Variants in C1QTNF8 observed in about 807,000 individuals in gnomAD.
C1QTNF8 encodes C1q and TNF related 8.
C1QTNF8 carries 27 observed loss-of-function variants against 19.2 expected under a neutral mutation model. The observed-to-expected ratio is 1.41, with a 90% CI of 1.04 to 1.94. The LOEUF (loss-of-function observed/expected upper bound fraction) is 1.94. Ranked by LOEUF, C1QTNF8 falls within the 30% of genes most tolerant of loss-of-function variation. C1QTNF8 has a pLI of 0.00. For synonymous variants in C1QTNF8, 208 were observed against 172.8 expected (o/e 1.20, Z -1.60); for missense variants, 484 against 374.4 (o/e 1.29, Z -2.42).
chr16:1,093,907 G>A lies in C1QTNF8; in HGVS notation c.353C>T (p.Ala118Val), dbSNP rs775605537. 61 of 1,550,456 alleles carry A rather than the reference G, an allele frequency of 3.9e-5. No homozygotes were observed. In the Admixed American group the frequency reaches 7.0e-4, roughly 18 times the overall value. The change falls in exon 4 of 5, where the codon GCC (alanine) becomes GTC (valine). Residue 118 changes from alanine (A) to valine (V), a missense_variant. Coordinates refer to ENST00000328449, the MANE Select transcript of C1QTNF8 (RefSeq NM_207419.3). ...GCCCTCGCGCCGGCCCACGGAGAAGGCGGCGTAGGCACGTCGGCACGCGGC... is the reference window on the plus strand; with the variant it reads ...GCCCTCGCGCCGGCCCACGGAGAAGACGGCGTAGGCACGTCGGCACGCGGC... ...PGAACRRAYA[A>V]FSVGRREGLH...
chr16:1,093,513 G>A lies in C1QTNF8; in HGVS notation c.747C>T (p.Ala249=), dbSNP rs1321691108. ...GCCCCTCACCCGGCTACAGCTCGGCGGCCGGCTTGACCAGGTGGCCGCTGA... is the reference window on the plus strand; with the variant it reads ...GCCCCTCACCCGGCTACAGCTCGGCAGCCGGCTTGACCAGGTGGCCGCTGA... ...ITFSGHLVKP[A]AEL is the part of the protein sequence containing the mutation. Residue 249 remains alanine (A), a synonymous_variant, in exon 4 of 5, where the codon GCC becomes GCT. Transcript: ENST00000328449. 2 of 1,533,696 alleles carry A rather than the reference G, an allele frequency of 1.3e-6. No individual in the cohort carries two copies. Among genetic ancestry groups the A allele is most frequent in the Admixed American group, 2.0e-5 (1 of 50,264 alleles).
In C1QTNF8 at chr16:1,093,795, G is replaced by C; in HGVS notation, c.465C>G (p.Arg155=). The stretch of plus-strand genomic sequence containing the variant: ...AGACGCCGGGCACCGTGCAGAGGAA[G>C]CGGCCCGCGGCCAGGTCGAAGGCGC... ...LDGAFDLAAG[R]FLCTVPGVYF... Residue 155 remains arginine, a synonymous_variant, in exon 4 of 5, where the codon CGC becomes CGG. Coordinates refer to ENST00000328449, the MANE Select transcript of C1QTNF8 (RefSeq NM_207419.3). 6.2e-7 allele frequency: 1 copy of C among 1,611,502 alleles called. No homozygotes were observed.
intron 4 of C1QTNF8, among the ~76,000 whole-genome samples, chr16:1,093,110 C>T (rs369134823): frequency 4.7e-4 from 51 of 109,202 alleles, no homozygotes; most frequent in Admixed American, 9.4e-4. Flanking sequence ...CGGCGCTCAA[C>T]CAATCCCTGC....
rs61182367 is a variant in C1QTNF8 at position 1,088,444 on chromosome 16, T to G, written c.*2155A>C. ...GCGGTTCTGATGGGGTGGCTCCCCC[T>G]TGTCTCCTAAGTGGCCAGGGCAGCA... On this transcript the variant is annotated 3_prime_UTR_variant, in exon 5 of 5. Coordinates refer to ENST00000328449, the MANE Select transcript of C1QTNF8 (RefSeq NM_207419.3). 0.031 allele frequency among the ~76,000 whole-genome samples: 4,711 copies of G among 152,280 alleles called. 234 individuals are homozygous for G. Among genetic ancestry groups the G allele is most frequent in the African/African-American group, 0.1 (4,330 of 41,540 alleles).
rs114822353 is a variant in C1QTNF8, at chr16:1,088,673, G to A, written c.*1926C>T. ...CGGGATGCAGGTCCTGCTGTCTGAGGCTCTCACAGGCATCTCCCCACCCCG... is the reference window on the plus strand; with the variant it reads ...CGGGATGCAGGTCCTGCTGTCTGAGACTCTCACAGGCATCTCCCCACCCCG... On this transcript the variant is annotated 3_prime_UTR_variant, in exon 5 of 5. Coordinates refer to ENST00000328449, the MANE Select transcript of C1QTNF8 (RefSeq NM_207419.3). Among the ~76,000 whole-genome samples the A allele has an allele frequency of 7.5e-3, 1,122 of 149,722 alleles. 18 individuals carry two copies. The highest frequency in any genetic ancestry group is 0.026 in the African/African-American group (1,070 of 40,418).
chr16:1,094,553 G>A (rs1234234698), intron 3 of C1QTNF8, 162 bp downstream of exon 3: 6 of 511,380 alleles, frequency 1.2e-5, no homozygotes, highest in African/African-American at 4.0e-5. Context: ...TCCTGCTTGC[G>A]GGGGGAGCCC....
Position 1,089,442 on chromosome 16 carries a change from A to G in C1QTNF8, c.*1157T>C, listed in dbSNP as rs1960498292. Among the ~76,000 whole-genome samples the G allele has an allele frequency of 6.6e-6, 1 of 152,146 alleles. No homozygotes were observed. Among genetic ancestry groups the G allele is most frequent in the Non-Finnish European group, 1.5e-5 (1 of 68,000 alleles). ...AAGGGCTCGGCTCTGGGCAGTGCCCACTTGGGACCTGCAAGCCCAGGGCCC... is the reference window on the plus strand; with the variant it reads ...AAGGGCTCGGCTCTGGGCAGTGCCCGCTTGGGACCTGCAAGCCCAGGGCCC... On this transcript the variant is annotated 3_prime_UTR_variant, in exon 5 of 5. Transcript: ENST00000328449.
chr16:1,094,996 C>A, intron 2 of C1QTNF8, 63 bp from the exon 3 acceptor site: 1 of 706,590 alleles, frequency 1.4e-6, no homozygotes, highest in Non-Finnish European at 2.0e-6. Flanking sequence ...CCCCCAGACC[C>A]TACGGCAGCC....
rs1483363954 is a variant in C1QTNF8 at position 1,090,376 on chromosome 16, CCCT to C, written c.*220_*222del. 1 of 152,346 alleles carries C rather than the reference CCCT, an allele frequency of 6.6e-6. No individual in the cohort carries two copies. The highest frequency in any genetic ancestry group is 1.5e-5 in the Non-Finnish European group (1 of 68,186). 9.4% of individuals were successfully genotyped at this position (152,346 alleles called of 1,614,324 possible). ...GCAAATGGCGGGCCCCTGTAGCCGC[CCCT>C]CCTCCTGTCCTGCGCTGTTGGGGGC... On this transcript the variant is annotated 3_prime_UTR_variant, in exon 5 of 5. Transcript: ENST00000328449.
chr16:1,095,086 GAGGCCA>G (rs1457555797), intron 2 of C1QTNF8, among the ~76,000 whole-genome samples, 153 bp from the exon 3 acceptor site: 1 of 152,224 alleles, frequency 6.6e-6, no homozygotes, highest in African/African-American at 2.4e-5. Context: ...CCCAGTGGGT[GAGGCCA>G]AGGCCGAGGC....
chr16:1,094,054 G>C lies in C1QTNF8; in HGVS notation c.209-3C>G. On this transcript the variant is annotated splice_region_variant and splice_polypyrimidine_tract_variant and intron_variant, in intron 3 of 4. Transcript: ENST00000328449. ...GACGCCGGCCTCACCCTTCTCACCT[G>C]CAGGGGACAAACGAAAGCCACGGGT... 1.4e-6 allele frequency: 2 copies of C among 1,445,018 alleles called. No individual in the cohort carries two copies. The highest frequency in any genetic ancestry group is 3.0e-5 in the South Asian group (2 of 65,806). The allele number at this position is 1,445,018 out of a possible 1,614,324, so 89.5% of individuals were successfully genotyped here.
intron 4 of C1QTNF8, among the ~76,000 whole-genome samples, chr16:1,091,953 C>G (rs1387122204): frequency 2.6e-5 from 4 of 152,224 alleles, no homozygotes; most frequent in Non-Finnish European, 5.9e-5. Context: ...AGGTGCTTGG[C>G]AAATACGCAA....
Position 1,094,086 on chromosome 16 carries a change from C to A in C1QTNF8, c.209-35G>T, listed in dbSNP as rs775109133. The A allele has an allele frequency of 5.7e-6, 8 of 1,392,158 alleles. No individual in the cohort carries two copies. The East Asian group carries it at 2.0e-4, about 35-fold the overall frequency. 86.2% of individuals were successfully genotyped at this position (1,392,158 alleles called of 1,614,324 possible). On this transcript the variant is annotated intron_variant, in intron 3 of 4. Transcript: ENST00000328449. Reference sequence around the variant, plus strand: ...ACAAACGAAAGCCACGGGTCGGGGCCGGGCTGGGCAGGCCTCCCCCATTCC... The same window carrying A: ...ACAAACGAAAGCCACGGGTCGGGGCAGGGCTGGGCAGGCCTCCCCCATTCC...
At chr16:1,093,089 C>G (rs149134363) in intron 4 of C1QTNF8, among the ~76,000 whole-genome samples, 2 of 114,440 alleles carry the variant, frequency 1.7e-5, no homozygotes, top group African/African-American at 3.1e-5. Flanking sequence ...CAACCAATCA[C>G]AGCACACAGT....
Position 1,094,780 on chromosome 16 carries a change from C to T in C1QTNF8, c.143G>A (p.Trp48Ter). 6.5e-7 allele frequency: 1 copy of T among 1,543,186 alleles called. No homozygotes were observed. Among genetic ancestry groups the T allele is most frequent in the Non-Finnish European group, 8.7e-7 (1 of 1,146,772 alleles). Reference protein sequence around the residue: ...PYARVSDRDLWRGDLWRGLPR... With the variant: ...PYARVSDRDL Reference sequence around the variant, plus strand: ...CAGCCCCCTCCACAGGTCCCCCCTCCACAGGTCCCTGTCACTCACCCGGGC... The same window carrying T: ...CAGCCCCCTCCACAGGTCCCCCCTCTACAGGTCCCTGTCACTCACCCGGGC... The change falls in exon 3 of 5, where the codon TGG becomes TAG. Residue 48 changes from tryptophan (W) to a stop codon, truncating the protein, a stop_gained. Transcript: ENST00000328449. LOFTEE classifies it high-confidence loss of function.
rs1555492668 is a variant in C1QTNF8, at chr16:1,093,456, A to ACACACG, written c.*4+40_*4+41insCGTGTG. 3.4e-6 allele frequency: 4 copies of ACACACG among 1,159,852 alleles called. No individual in the cohort carries two copies. In the African/African-American group the frequency reaches 6.2e-5, roughly 18 times the overall value. The allele number at this position is 1,159,852 out of a possible 1,614,324, so 71.8% of individuals were successfully genotyped here. On this transcript the variant is annotated intron_variant, in intron 4 of 4. Coordinates refer to ENST00000328449, the MANE Select transcript of C1QTNF8 (RefSeq NM_207419.3). Reference sequence around the variant, plus strand: ...CACACACACACAGACACACACACACACGCGCGCGCGCGCCCGGTGCTCAGC... The same window carrying ACACACG: ...CACACACACACAGACACACACACACACACACGCGCGCGCGCGCGCCCGGTGCTCAGC...
At chr16:1,091,931 T>A (rs1456259553) in intron 4 of C1QTNF8, among the ~76,000 whole-genome samples, 1 of 152,210 alleles carries the variant, frequency 6.6e-6, no homozygotes, top group East Asian at 1.9e-4. Flanking sequence ...CCTGGGTCCA[T>A]CCACACCGGG....
In C1QTNF8 at chr16:1,088,596, C is replaced by T. The variant is rs1415781544; in HGVS notation, c.*2003G>A. 6.6e-6 allele frequency among the ~76,000 whole-genome samples: 1 copy of T among 152,234 alleles called. No individual in the cohort carries two copies. The highest frequency in any genetic ancestry group is 1.5e-5 in the Non-Finnish European group (1 of 68,050). ...AGAGAATCGTGACCGTATCTTATCT[C>T]ACTTTCAGTTCTCAGTCATTGTTTT... On this transcript the variant is annotated 3_prime_UTR_variant, in exon 5 of 5. Coordinates refer to ENST00000328449, the MANE Select transcript of C1QTNF8 (RefSeq NM_207419.3).
In C1QTNF8 at chr16:1,093,892, C is replaced by G; in HGVS notation, c.368G>C (p.Arg123Pro). ...RRAYAAFSVG[R>P]REGLHSSDHF... ...GTCGGAGCTGTGCAGGCCCTCGCGC[C>G]GGCCCACGGAGAAGGCGGCGTAGGC... is the stretch of plus-strand genomic sequence containing the variant. Residue 123 changes from arginine to proline, a missense_variant, in exon 4 of 5, where the codon CGG (arginine) becomes CCG (proline). By Grantham distance (103) the Arg-to-Pro change is moderately radical. Transcript: ENST00000328449. 2 of 1,565,234 alleles carry G rather than the reference C, an allele frequency of 1.3e-6. No homozygotes were observed. Among genetic ancestry groups the G allele is most frequent in the Non-Finnish European group, 1.7e-6 (2 of 1,164,554 alleles).
Sources: gnomAD v4.1 joint callset for allele counts (sites outside exome capture counted in the v4.1 genomes callset) on GRCh38, gnomAD v4.1.1 for gene constraint, MANE v1.5 for transcripts, NCBI Gene and HGNC (gene_info 2026-07-23, HGNC 2026-07-21) for gene names.